ADAMTSL3: variants seen among roughly 807,000 people sequenced by gnomAD.
The protein encoded by ADAMTSL3 is ADAMTS like 3.
Under a neutral mutation model 201.7 loss-of-function variants are expected in ADAMTSL3, and 128 were observed. The ratio of observed to expected loss-of-function variants is 0.63; its 90% CI spans 0.55 to 0.73. ADAMTSL3 has a LOEUF of 0.73. Ranked by LOEUF, ADAMTSL3 falls within the 30% of genes least tolerant of loss-of-function variation. The probability of loss-of-function intolerance (pLI) is 0.00; values close to 1 mark genes in which losing one functional copy is unlikely to be tolerated. For synonymous variants in ADAMTSL3, 738 were observed against 748.4 expected (o/e 0.99, Z 0.23); for missense variants, 1,990 against 2,119.6 (o/e 0.94, Z 1.20).
chr15:83,925,570 G>T (rs1378681392), intron 17 of ADAMTSL3, among the ~76,000 whole-genome samples: 1 of 152,132 alleles, frequency 6.6e-6, no homozygotes, highest in South Asian at 2.1e-4. Flanking sequence ...ATAAAGGAGG[G>T]GTTTTAGGAA....
chr15:83,790,809 C>T (rs996466653), intron 4 of ADAMTSL3, among the ~76,000 whole-genome samples: 3 of 152,062 alleles, frequency 2.0e-5, no homozygotes, highest in Non-Finnish European at 2.9e-5. Flanking sequence ...TGGCAAGGTC[C>T]TGGATACAAA....
At chr15:84,009,924 C>T (rs1454267884) in intron 23 of ADAMTSL3, among the ~76,000 whole-genome samples, 1 of 152,236 alleles carries the variant, frequency 6.6e-6, no homozygotes, top group Admixed American at 6.5e-5. Flanking sequence ...CAGCTTCTTA[C>T]CGTGGAGGAA....
In ADAMTSL3 at chr15:83,982,837, C is replaced by T. The variant is rs960694676; in HGVS notation, c.3209C>T (p.Thr1070Ile). 12 of 1,613,960 alleles carry T rather than the reference C, an allele frequency of 7.4e-6. No individual in the cohort carries two copies. Among genetic ancestry groups the T allele is most frequent in the Non-Finnish European group, 1.0e-5 (12 of 1,180,038 alleles). The change falls in exon 21 of 30, where the codon ACC becomes ATC. Residue 1070 changes from threonine (T) to isoleucine (I), a missense_variant. By Grantham distance (89) the Thr-to-Ile change is moderately conservative. Coordinates refer to ENST00000286744, the MANE Select transcript of ADAMTSL3 (RefSeq NM_207517.3). The part of the protein sequence containing the change: ...LGHCSNSAGS[T>I]NSWELKNKQF... ...CACTGCAGCAATTCTGCAGGAAGCA[C>T]CAACTCCTGGGAGTTGAAGAATAAG...
intron 3 of ADAMTSL3, among the ~76,000 whole-genome samples, chr15:83,735,471 A>T (rs1311576224): frequency 1.3e-5 from 2 of 152,178 alleles, no homozygotes; most frequent in Admixed American, 6.5e-5. Context: ...TTTGAAAGGA[A>T]ATATTTCAAT....
At chr15:83,685,424 A>G (rs570722502) in intron 2 of ADAMTSL3, among the ~76,000 whole-genome samples, 1 of 152,250 alleles carries the variant, frequency 6.6e-6, no homozygotes, top group African/African-American at 2.4e-5. Flanking sequence ...GTGTGTGACA[A>G]CTGTCAGATG....
At chr15:83,735,723 A>G (rs566522881) in intron 3 of ADAMTSL3, among the ~76,000 whole-genome samples, 3 of 151,786 alleles carry the variant, frequency 2.0e-5, no homozygotes, top group East Asian at 3.9e-4. Flanking sequence ...CAAGTCAGCT[A>G]CCATCAGGAT....
intron 15 of ADAMTSL3, among the ~76,000 whole-genome samples, chr15:83,901,196 G>A (rs961130883): frequency 6.6e-6 from 1 of 152,170 alleles, no homozygotes; most frequent in African/African-American, 2.4e-5. Flanking sequence ...TGGCTTCACA[G>A]TATTTGAGTA....
At chr15:83,709,890 C>T (rs1487395651) in intron 3 of ADAMTSL3, among the ~76,000 whole-genome samples, 1 of 152,088 alleles carries the variant, frequency 6.6e-6, no homozygotes, top group East Asian at 1.9e-4. Context: ...GGATAAAGGA[C>T]ATTAAGCACG....
At chr15:83,824,208 C>T (rs2063967281) in intron 6 of ADAMTSL3, among the ~76,000 whole-genome samples, 1 of 151,814 alleles carries the variant, frequency 6.6e-6, no homozygotes, top group African/African-American at 2.4e-5. Flanking sequence ...CACGCTCAGC[C>T]AGTTTTTTGC....
chr15:83,832,574 A>G (rs1383910133), intron 6 of ADAMTSL3, among the ~76,000 whole-genome samples: 1 of 152,176 alleles, frequency 6.6e-6, no homozygotes, highest in African/African-American at 2.4e-5. Flanking sequence ...TCAGCAGGAT[A>G]ATGTTCACAT....
chr15:83,697,495 A>G (rs921990236), intron 2 of ADAMTSL3, among the ~76,000 whole-genome samples: 2 of 152,220 alleles, frequency 1.3e-5, no homozygotes, highest in Non-Finnish European at 2.9e-5. Context: ...ACTTCTGACA[A>G]ACAGGCTATA....
At chr15:83,804,572 GCT>G in intron 4 of ADAMTSL3, 76 bp from the exon 5 acceptor site, 2 of 669,670 alleles carry the variant, frequency 3.0e-6, no homozygotes, top group Admixed American at 4.3e-5. Context: ...CCTTGTATTT[GCT>G]TTTTTTTTTT....
In ADAMTSL3 at chr15:83,845,777, A is replaced by C. The variant is rs558018748; in HGVS notation, c.727+7562A>C. On this transcript the variant is annotated intron_variant, in intron 7 of 29. Transcript: ENST00000286744. ...TCTTAAAGGGCCCAGGAAATTTTAG[A>C]TACACCACAAGAATGAGTTGGTGTG... Among the ~76,000 whole-genome samples, 11 of 152,336 alleles carry C rather than the reference A, an allele frequency of 7.2e-5. No individual in the cohort carries two copies. In the East Asian group the frequency reaches 1.9e-3, roughly 27 times the overall value.
At position 83,823,961 on chromosome 15, in the gene ADAMTSL3, CTTCTTCTT is replaced by C. The variant is rs1567169920; in HGVS notation, c.600+3915_600+3922del. On this transcript the variant is annotated intron_variant, in intron 6 of 29. Transcript: ENST00000286744. ...TCTTCTTCTTCTTCTTCTTCTTCTT[CTTCTTCTT>C]CTTCTCCTCCTCCTCCTCCTCCTTC... is the stretch of plus-strand genomic sequence containing the variant. Among the ~76,000 whole-genome samples the C allele has an allele frequency of 5.9e-4, 52 of 87,758 alleles. 2 individuals carry two copies. Among genetic ancestry groups the C allele is most frequent in the African/African-American group, 1.7e-3 (49 of 29,258 alleles). 57.6% of individuals were successfully genotyped at this position (87,758 alleles called of 152,430 possible).
chr15:83,759,302 T>A (rs2062770882), intron 3 of ADAMTSL3, among the ~76,000 whole-genome samples: 1 of 151,962 alleles, frequency 6.6e-6, no homozygotes, highest in South Asian at 2.1e-4. Flanking sequence ...CTCCGCTCAC[T>A]GCAAGCTCTG....
chr15:83,714,152 G>A lies in ADAMTSL3; in HGVS notation c.189+9644G>A, dbSNP rs571034659. 5.9e-5 allele frequency among the ~76,000 whole-genome samples: 9 copies of A among 152,316 alleles called. No homozygotes were observed. The East Asian group carries it at 1.4e-3, about 23-fold the overall frequency. ...GTAAACCTTTTTAGGGTGGCCAACT[G>A]TCCTGGCTTTCCTGGCACTGAGACA... On this transcript the variant is annotated intron_variant, in intron 3 of 29. Transcript: ENST00000286744.
intron 2 of ADAMTSL3, among the ~76,000 whole-genome samples, chr15:83,694,803 G>C (rs542365249): frequency 6.6e-6 from 1 of 152,322 alleles, no homozygotes; most frequent in Non-Finnish European, 1.5e-5. Context: ...ACCTGGGCTG[G>C]CTTTCCTACA....
At chr15:83,795,073 C>T (rs986855667) in intron 4 of ADAMTSL3, among the ~76,000 whole-genome samples, 3 of 152,008 alleles carry the variant, frequency 2.0e-5, no homozygotes, top group Non-Finnish European at 2.9e-5. Flanking sequence ...AGGCTGGTCT[C>T]GAACTCCTGA....
chr15:83,713,538 C>T (rs2061960731), intron 3 of ADAMTSL3, among the ~76,000 whole-genome samples: 1 of 151,842 alleles, frequency 6.6e-6, no homozygotes, highest in Non-Finnish European at 1.5e-5. Flanking sequence ...CTTATTACAG[C>T]ATAAAACAAA....
Sources: allele counts gnomAD v4.1 joint callset (sites outside exome capture counted in the v4.1 genomes callset), GRCh38; gene constraint gnomAD v4.1.1; transcripts MANE v1.5; gene names NCBI Gene and HGNC (gene_info 2026-07-23, HGNC 2026-07-21).